The following TRAPPC9 variants were observed in gnomAD, a reference collection of about 807,000 sequenced individuals.
The protein encoded by TRAPPC9 is trafficking protein particle complex subunit 9.
Under a neutral mutation model 124.0 loss-of-function variants are expected in TRAPPC9, and 83 were observed. The observed-to-expected ratio is 0.67, with a 90% CI of 0.56 to 0.80. The LOEUF is 0.80. TRAPPC9 is among the 30% of genes least tolerant of loss of function. The pLI, the probability that TRAPPC9 is intolerant of heterozygous loss-of-function variation, is 0.00. For synonymous variants in TRAPPC9, 638 were observed against 617.5 expected, an observed-to-expected ratio of 1.03 and a Z score of -0.49; for missense variants, 1,302 against 1,508.3, an observed-to-expected ratio of 0.86 and a Z score of 2.27.
At chr8:140,081,916 A>T (rs182022513) in intron 17 of TRAPPC9, 1 of 152,440 alleles carries the variant, frequency 6.6e-6, no homozygotes, top group East Asian at 1.9e-4. Flanking sequence ...TGACTTAACT[A>T]GCACTCACTG....
At chr8:139,802,739 G>A (rs927255426) in intron 21 of TRAPPC9, among the ~76,000 whole-genome samples, 2 of 152,194 alleles carry the variant, frequency 1.3e-5, no homozygotes. Context: ...CATTCTGTTT[G>A]GAAAAAGTGA....
At chr8:139,765,391 CG>C (rs1219788160) in intron 21 of TRAPPC9, among the ~76,000 whole-genome samples, 1 of 152,200 alleles carries the variant, frequency 6.6e-6, no homozygotes, top group Non-Finnish European at 1.5e-5. Flanking sequence ...TGTGGGTTTG[CG>C]TTTTCCTAGA....
chr8:140,234,375 G>A (rs2063680229), intron 16 of TRAPPC9, among the ~76,000 whole-genome samples: 1 of 152,194 alleles, frequency 6.6e-6, no homozygotes, highest in Non-Finnish European at 1.5e-5. Context: ...ACATGTGGCT[G>A]GTGGCTGCCA....
At chr8:140,187,705 C>T (rs575299506) in intron 17 of TRAPPC9, among the ~76,000 whole-genome samples, 21 of 152,116 alleles carry the variant, frequency 1.4e-4, no homozygotes, top group African/African-American at 1.9e-4. Context: ...GACAGGGTCT[C>T]GCTCTGTCAC....
intron 18 of TRAPPC9, among the ~76,000 whole-genome samples, chr8:140,003,122 T>A (rs542013350): frequency 6.6e-6 from 1 of 152,176 alleles, no homozygotes; most frequent in African/African-American, 2.4e-5. Context: ...AGGACTTGTA[T>A]CTATAATATA....
chr8:140,000,882 G>GTA (rs1170801706), intron 18 of TRAPPC9, among the ~76,000 whole-genome samples: 2 of 152,268 alleles, frequency 1.3e-5, no homozygotes, highest in Non-Finnish European at 2.9e-5. Flanking sequence ...CCATTACTGG[G>GTA]TATATACCCA....
chr8:140,146,611 TTTC>T (rs2061467035), intron 17 of TRAPPC9, among the ~76,000 whole-genome samples: 1 of 152,218 alleles, frequency 6.6e-6, no homozygotes, highest in African/African-American at 2.4e-5. Context: ...TTAAAAGACT[TTTC>T]TTAACTATGA....
At chr8:140,373,902 G>A (rs957640422) in intron 7 of TRAPPC9, among the ~76,000 whole-genome samples, 1 of 152,124 alleles carries the variant, frequency 6.6e-6, no homozygotes, top group Middle Eastern at 3.2e-3. Context: ...TACGAGTTCT[G>A]TATATATTCT....
chr8:140,198,004 G>A (rs1587906187), intron 17 of TRAPPC9, among the ~76,000 whole-genome samples: 1 of 152,316 alleles, frequency 6.6e-6, no homozygotes, highest in Admixed American at 6.5e-5. Context: ...CCAAGGCTCA[G>A]CTTAAGCAAC....
intron 16 of TRAPPC9, among the ~76,000 whole-genome samples, chr8:140,250,713 T>C (rs1038999205): frequency 6.6e-6 from 1 of 152,216 alleles, no homozygotes; most frequent in Admixed American, 6.5e-5. Flanking sequence ...CCTTAGAGAT[T>C]TGCTGTCTCT....
intron 19 of TRAPPC9, among the ~76,000 whole-genome samples, chr8:139,958,855 T>C (rs890070711): frequency 6.6e-6 from 1 of 151,992 alleles, no homozygotes; most frequent in Non-Finnish European, 1.5e-5. Context: ...CGGGAACACA[T>C]GCCAGAGATG....
At position 140,287,748 on chromosome 8, in the gene TRAPPC9, C is replaced by T. The variant is rs543349977; in HGVS notation, c.1855-14G>A. ...GGTGAGCAGCCCCTAAACCAAGCGA[C>T]GCAGCATCGTAAGCCCGGAGCAAAC... On this transcript the variant is annotated splice_polypyrimidine_tract_variant and intron_variant, in intron 12 of 22. Transcript: ENST00000438773. 75 of 1,613,950 alleles carry T rather than the reference C, an allele frequency of 4.6e-5. No homozygotes were observed. Among genetic ancestry groups the T allele is most frequent in the Non-Finnish European group, 5.7e-5 (67 of 1,180,042 alleles).
chr8:139,822,179 A>G (rs980871981), intron 21 of TRAPPC9, among the ~76,000 whole-genome samples: 2 of 152,040 alleles, frequency 1.3e-5, no homozygotes, highest in Admixed American at 6.5e-5. Context: ...GTGGGGGAGG[A>G]GAGGTGACTT....
At chr8:140,118,647 TG>T (rs1448916058) in intron 17 of TRAPPC9, among the ~76,000 whole-genome samples, 1 of 152,162 alleles carries the variant, frequency 6.6e-6, no homozygotes, top group African/African-American at 2.4e-5. Flanking sequence ...GGTCTGGAGT[TG>T]GTGCTGAGAG....
chr8:140,113,022 G>T (rs542145032), intron 17 of TRAPPC9, among the ~76,000 whole-genome samples: 15 of 151,562 alleles, frequency 9.9e-5, no homozygotes, highest in African/African-American at 3.6e-4. Flanking sequence ...CTCTTTTCTT[G>T]ACATCAAAAA....
chr8:139,771,111 G>A lies in TRAPPC9; in HGVS notation c.3056-38909C>T, dbSNP rs1339734489. 2.6e-5 allele frequency among the ~76,000 whole-genome samples: 4 copies of A among 152,216 alleles called. No individual in the cohort carries two copies. In the East Asian group the frequency reaches 7.7e-4, roughly 29 times the overall value. ...CTGCCTGCTTGGGAGCTGAAAGGGG[G>A]AGCTCAGATCCTTTGTGCACCTGCA... On this transcript the variant is annotated intron_variant, in intron 21 of 22. Transcript: ENST00000438773.
chr8:139,919,576 C>T (rs1407008889), intron 19 of TRAPPC9, among the ~76,000 whole-genome samples: 1 of 152,126 alleles, frequency 6.6e-6, no homozygotes, highest in African/African-American at 2.4e-5. Context: ...AACGAGGTAG[C>T]TTTTAGGAAG....
At chr8:139,731,800 T>C (rs1178899999) in intron 22 of TRAPPC9, among the ~76,000 whole-genome samples, 179 bp downstream of exon 22, 1 of 152,240 alleles carries the variant, frequency 6.6e-6, no homozygotes, top group South Asian at 2.1e-4. Flanking sequence ...CAGGTGAGCT[T>C]GTCTAAGTTC....
At chr8:139,901,102 T>C (rs927225881) in intron 20 of TRAPPC9, among the ~76,000 whole-genome samples, 2 of 152,206 alleles carry the variant, frequency 1.3e-5, no homozygotes, top group Non-Finnish European at 2.9e-5. Context: ...AACTCCATCA[T>C]GGAGAATTTG....
Sources: gnomAD v4.1 joint callset for allele counts (sites outside exome capture counted in the v4.1 genomes callset) on GRCh38, gnomAD v4.1.1 for gene constraint, MANE v1.5 for transcripts, NCBI Gene and HGNC (gene_info 2026-07-23, HGNC 2026-07-21) for gene names.